The following MKI67 variants were observed in gnomAD, a reference collection of about 807,000 sequenced individuals.
MKI67 encodes the protein marker of proliferation Ki-67, also known as proliferation marker protein Ki-67.
MKI67 carries 152 observed loss-of-function variants against 233.5 expected under a neutral mutation model. That is an observed-to-expected ratio of 0.65 (90% CI 0.57 to 0.74). The LOEUF is 0.74. Ranked by LOEUF, MKI67 falls within the 30% of genes least tolerant of loss-of-function variation. The pLI is 0.00. For synonymous variants in MKI67, 1,465 were observed against 1,418.5 expected (o/e 1.03, Z -0.74); for missense variants, 3,940 against 3,885.2 (o/e 1.01, Z -0.37).
Position 128,121,598 on chromosome 10 carries a change from TATA to T in MKI67, c.287+1280_287+1282del, listed in dbSNP as rs1489603651. Reference sequence around the variant, plus strand: ...AATTATATATTATATAAGTGATATATATAATAATTATATATTACATATATATGA... The same window carrying T: ...AATTATATATTATATAAGTGATATATATAATTATATATTACATATATATGA... On this transcript the variant is annotated intron_variant, in intron 4 of 14. Transcript: ENST00000368654. 3.1e-3 allele frequency among the ~76,000 whole-genome samples: 140 copies of T among 44,760 alleles called. 1 individual carries two copies. The highest frequency in any genetic ancestry group is 5.9e-3 in the Non-Finnish European group (128 of 21,578). The allele number at this position is 44,760 out of a possible 152,430, so 29.4% of individuals were successfully genotyped here.
chr10:128,105,194 T>C lies in MKI67; in HGVS notation c.6646A>G (p.Thr2216Ala). 6.2e-7 allele frequency: 1 copy of C among 1,613,828 alleles called. No individual in the cohort carries two copies. The highest frequency in any genetic ancestry group is 2.2e-5 in the East Asian group (1 of 44,850). The change falls in exon 13 of 15, where the codon ACT (threonine) becomes GCT (alanine). Residue 2216 changes from threonine to alanine, a missense_variant. By Grantham distance (58) the Thr-to-Ala change is moderately conservative. Transcript: ENST00000368654. ...CTDKPTTHEKTTKIACRSPQP... is the reference protein window; with the variant it reads ...CTDKPTTHEKATKIACRSPQP... ...GGAGATCTGCAGGCTATTTTGGTAG[T>C]TTTCTCATGAGTCGTGGGCTTGTCA...
intron 11 of MKI67, among the ~76,000 whole-genome samples, chr10:128,111,278 TCAA>T (rs374818498): frequency 8.5e-5 from 13 of 152,200 alleles, no homozygotes; most frequent in African/African-American, 1.4e-4. Context: ...AAAATGTTGC[TCAA>T]CAACAACTGG....
At position 128,102,999 on chromosome 10, in the gene MKI67, C is replaced by T; in HGVS notation, c.8841G>A (p.Lys2947=). The T allele has an allele frequency of 6.2e-7, 1 of 1,614,224 alleles. No homozygotes were observed. Among genetic ancestry groups the T allele is most frequent in the Non-Finnish European group, 8.5e-7 (1 of 1,180,046 alleles). The part of the protein sequence containing the change: ...GAADSFTSAP[K]QTPDSGKPLK... ...GAGGTTTTCCACTGTCAGGTGTTTG[C>T]TTTGGAGCGCTTGTAAAGCTATCAG... Residue 2947 remains lysine, a synonymous_variant, in exon 13 of 15, where the codon AAG becomes AAA. Transcript: ENST00000368654.
Position 128,107,879 on chromosome 10 carries a change from C to A in MKI67, c.3961G>T (p.Asp1321Tyr). The A allele has an allele frequency of 6.2e-7, 1 of 1,612,972 alleles. No homozygotes were observed. The highest frequency in any genetic ancestry group is 8.5e-7 in the Non-Finnish European group (1 of 1,179,812). ...IFVGTPVQKL[D>Y]LTENLTGSKR... is the part of the protein sequence containing the mutation. ...CTGCCGGTTAAGTTCTCTGTCAGGT[C>A]CAGTTTCTGCACTGGAGTTCCCACA... The change falls in exon 13 of 15, where the codon GAC becomes TAC. Residue 1321 changes from aspartate (D) to tyrosine (Y), a missense_variant. Transcript: ENST00000368654.
chr10:128,107,914 A>G lies in MKI67; in HGVS notation c.3926T>C (p.Ile1309Thr). ...CACTGGAGTTCCCACAAATATGATG[A>G]TGTCTTTCTCTTCACCTACTGATGG... Reference protein sequence around the residue: ...PKPSVGEEKDIIIFVGTPVQK... With the variant: ...PKPSVGEEKDTIIFVGTPVQK... Residue 1309 changes from isoleucine to threonine, a missense_variant, in exon 13 of 15, where the codon ATC becomes ACC. By Grantham distance (89) the Ile-to-Thr change is moderately conservative (BLOSUM62 -1). Coordinates refer to ENST00000368654, the MANE Select transcript of MKI67 (RefSeq NM_002417.5). 2 of 1,613,066 alleles carry G rather than the reference A, an allele frequency of 1.2e-6. No individual in the cohort carries two copies. Among genetic ancestry groups the G allele is most frequent in the African/African-American group, 1.3e-5 (1 of 74,568 alleles).
At chr10:128,101,106 T>C in intron 14 of MKI67, 152 bp downstream of exon 14, 1 of 693,366 alleles carries the variant, frequency 1.4e-6, no homozygotes, top group Non-Finnish European at 2.3e-6. Flanking sequence ...ACCAAATTTA[T>C]GTCTTAGCAT....
intron 13 of MKI67, 75 bp downstream of exon 13, chr10:128,102,504 T>A: frequency 6.5e-7 from 1 of 1,531,958 alleles, no homozygotes; most frequent in South Asian, 1.2e-5. Flanking sequence ...AACGTCAGGT[T>A]ACATGCAAAG....
At chr10:128,101,966 A>G (rs1361102318) in intron 13 of MKI67, among the ~76,000 whole-genome samples, 1 of 152,248 alleles carries the variant, frequency 6.6e-6, no homozygotes, top group African/African-American at 2.4e-5. Flanking sequence ...AATAAGATAT[A>G]TATCAAATCT....
At chr10:128,117,732 T>C (rs1425300161) in intron 5 of MKI67, among the ~76,000 whole-genome samples, 1 of 152,220 alleles carries the variant, frequency 6.6e-6, no homozygotes, top group African/African-American at 2.4e-5. Context: ...ACAAGAATCT[T>C]ATGACTAAAC....
intron 2 of MKI67, 69 bp from the exon 3 acceptor site, chr10:128,123,238 A>G: frequency 4.8e-6 from 5 of 1,032,612 alleles, no homozygotes; most frequent in Non-Finnish European, 7.6e-6. Context: ...ATTTCCCAAA[A>G]TAAAACACAA....
Position 128,111,806 on chromosome 10 carries a change from C to T in MKI67, c.2099G>A (p.Gly700Asp). The T allele has an allele frequency of 6.2e-7, 1 of 1,612,498 alleles. No homozygotes were observed. The part of the protein sequence containing the change: ...RRPATPKKPV[G>D]EVHSQFSTGH... ...TGTACTAAATTGACTGTGAACTTCG[C>T]CCACAGGCTTCTGTAGAAAACAGGA... Residue 700 changes from glycine to aspartate, a missense_variant, in exon 11 of 15, where the codon GGC becomes GAC. Physicochemically the swap from Gly to Asp is moderately conservative, Grantham distance 94. Transcript: ENST00000368654.
rs769784595 is a variant in MKI67, at chr10:128,112,300, G to A, written c.1802C>T (p.Thr601Ile). Residue 601 changes from threonine to isoleucine, a missense_variant, in exon 9 of 15, where the codon ACA (threonine) becomes ATA (isoleucine). Physicochemically the swap from Thr to Ile is moderately conservative, Grantham distance 89. Coordinates refer to ENST00000368654, the MANE Select transcript of MKI67 (RefSeq NM_002417.5). ...ASDQRRRSCK[T>I]APASSSKSQT... ...AGATTTGCTGCTGGAAGCAGGGGCT[G>A]TTTTGCAGGACCTACGGCGTTGATC... 14 of 1,614,218 alleles carry A rather than the reference G, an allele frequency of 8.7e-6. No individual in the cohort carries two copies. Among genetic ancestry groups the A allele is most frequent in the Admixed American group, 3.3e-5 (2 of 60,026 alleles).
rs41306644 is a variant in MKI67, at chr10:128,116,523, C to T, written c.368G>A (p.Arg123His). The stretch of plus-strand genomic sequence containing the variant: ...AGAAGAGAAGCTAGATCTTGAGACA[C>T]GACGTGCTGGCTCCTGTAAGTTGGG... Reference protein sequence around the residue: ...RKIREQEPARRVSRSSFSSDP... With the variant: ...RKIREQEPARHVSRSSFSSDP... Residue 123 changes from arginine to histidine, a missense_variant, in exon 6 of 15, where the codon CGT becomes CAT. Coordinates refer to ENST00000368654, the MANE Select transcript of MKI67 (RefSeq NM_002417.5). 17,403 of 1,613,858 alleles carry T rather than the reference C, an allele frequency of 0.011. 133 individuals are homozygous for T. Among genetic ancestry groups the T allele is most frequent in the Non-Finnish European group, 0.013 (15,919 of 1,179,726 alleles).
chr10:128,115,063 G>A lies in MKI67; in HGVS notation c.1345C>T (p.Leu449Phe), dbSNP rs534102950. The A allele has an allele frequency of 2.5e-6, 4 of 1,613,638 alleles. 1 individual carries two copies. The South Asian group carries it at 4.4e-5, about 18-fold the overall frequency. ...IHNEPFLTLW[L>F]TQVERKIQKD... The stretch of plus-strand genomic sequence containing the variant: ...TGGATCTTCCTCTCAACTTGAGTGA[G>A]CCACAGAGTTAAAAATGGCTCATTG... Residue 449 changes from leucine (L) to phenylalanine (F), a missense_variant, in exon 7 of 15, where the codon CTC (leucine) becomes TTC (phenylalanine). Transcript: ENST00000368654.
intron 8 of MKI67, among the ~76,000 whole-genome samples, chr10:128,112,927 C>T (rs1449356681): frequency 6.6e-6 from 1 of 152,184 alleles, no homozygotes; most frequent in South Asian, 2.1e-4. Context: ...AGGTGTGAAA[C>T]CCAGGAAGGA....
chr10:128,102,211 G>A (rs542950742), intron 13 of MKI67, among the ~76,000 whole-genome samples: 1 of 152,272 alleles, frequency 6.6e-6, no homozygotes, highest in African/African-American at 2.4e-5. Context: ...AGTTAAAATA[G>A]TGACATAGAT....
chr10:128,111,973 G>A lies in MKI67; in HGVS notation c.2042C>T (p.Pro681Leu). The A allele has an allele frequency of 6.2e-7, 1 of 1,613,668 alleles. No homozygotes were observed. Among genetic ancestry groups the A allele is most frequent in the Non-Finnish European group, 8.5e-7 (1 of 1,179,924 alleles). The change falls in exon 10 of 15, where the codon CCT becomes CTT. Residue 681 changes from proline to leucine, a missense_variant. Transcript: ENST00000368654. ...TTGCCTTTTGTTCATTGACCTTTGAGGACCATGTTTTATGACTTTAGTTTG... is the reference window on the plus strand; with the variant it reads ...TTGCCTTTTGTTCATTGACCTTTGAAGACCATGTTTTATGACTTTAGTTTG... ...QTQTKVIKHG[P>L]QRSMNKRQRR...
Position 128,106,719 on chromosome 10 carries a change from A to G in MKI67, c.5121T>C (p.Pro1707=), listed in dbSNP as rs1852507817. ...LRTPKGKSEV[P]EDLAGFIELF... Reference sequence around the variant, plus strand: ...GCTCGATGAAGCCGGCCAGGTCTTCAGGGACTTCAGACTTTCCCTTAGGAG... The same window carrying G: ...GCTCGATGAAGCCGGCCAGGTCTTCGGGGACTTCAGACTTTCCCTTAGGAG... The change falls in exon 13 of 15, where the codon CCT becomes CCC. Residue 1707 remains proline, a synonymous_variant. Transcript: ENST00000368654. The G allele has an allele frequency of 6.2e-7, 1 of 1,609,016 alleles. No individual in the cohort carries two copies.
Position 128,110,382 on chromosome 10 carries a change from ACT to A in MKI67, c.2410_2411del (p.Ser804PhefsTer18). The A allele has an allele frequency of 5.1e-6, 8 of 1,559,732 alleles. No individual in the cohort carries two copies. The highest frequency in any genetic ancestry group is 7.0e-6 in the Non-Finnish European group (8 of 1,140,612). On this transcript the variant is annotated frameshift_variant, in exon 12 of 15. Transcript: ENST00000368654. LOFTEE classifies it high-confidence loss of function. ...TTAGGAAACAAGGAAACCAACCAAA[ACT>A]CTCTGAGGTGGGGAGCAGAGGTTCT... The part of the protein sequence containing the change: ...GEEPLLPTSE[S>X]FGGNVFFSAQ...
Sources: allele counts gnomAD v4.1 joint callset (sites outside exome capture counted in the v4.1 genomes callset), GRCh38; gene constraint gnomAD v4.1.1; transcripts MANE v1.5; gene names NCBI Gene and HGNC (gene_info 2026-07-23, HGNC 2026-07-21).